The following DOK3 variants were observed in gnomAD, a reference collection of about 807,000 sequenced individuals.
DOK3 encodes Dok-like protein.
A neutral mutation model predicts 26.2 loss-of-function variants in DOK3; 23 were observed. The observed-to-expected ratio is 0.88, with a 90% confidence interval of 0.63 to 1.24. The LOEUF (loss-of-function observed/expected upper bound fraction) is 1.24, where lower values mean the gene tolerates loss of function less well. Ranked by LOEUF, DOK3 falls within the 50% of genes most tolerant of loss-of-function variation. DOK3 has a pLI of 0.00. For missense variants in DOK3, 619 were observed against 610.6 expected, an observed-to-expected ratio of 1.01 and a Z score of -0.15; for synonymous variants, 268 against 268.2, an observed-to-expected ratio of 1.00 and a Z score of 0.01.
At chr5:177,508,102 A>C in intron 3 of DOK3, 135 bp downstream of exon 3, 1 of 1,132,056 alleles carries the variant, frequency 8.8e-7, no homozygotes, top group Non-Finnish European at 1.2e-6. Flanking sequence ...GCCCTCTGAG[A>C]GTCATTATAG....
Position 177,504,594 on chromosome 5 carries a change from G to A in DOK3, c.712C>T (p.Pro238Ser). Residue 238 changes from proline to serine, a missense_variant, in exon 6 of 6, where the codon CCC (proline) becomes TCC (serine). Physicochemically the swap from Pro to Ser is moderately conservative, Grantham distance 74. Transcript: ENST00000510898. Reference protein sequence around the residue: ...SGEGLFAFSTPCAPDLCRAVA... With the variant: ...SGEGLFAFSTSCAPDLCRAVA... Reference sequence around the variant, plus strand: ...GCCCTGCACAGGTCAGGGGCACAGGGGGTGCTGAAGGCAAAGAGGCCCTCA... The same window carrying A: ...GCCCTGCACAGGTCAGGGGCACAGGAGGTGCTGAAGGCAAAGAGGCCCTCA... 1.2e-6 allele frequency: 2 copies of A among 1,609,146 alleles called. No homozygotes were observed. Among genetic ancestry groups the A allele is most frequent in the Non-Finnish European group, 1.7e-6 (2 of 1,178,690 alleles).
chr5:177,506,977 C>T (rs937534400), intron 3 of DOK3, among the ~76,000 whole-genome samples: 13 of 151,796 alleles, frequency 8.6e-5, no homozygotes, highest in Admixed American at 5.9e-4. Context: ...TGAGCCACCG[C>T]ACCCGGCCAC....
At chr5:177,507,497 C>T (rs747263917) in intron 3 of DOK3, among the ~76,000 whole-genome samples, 3 of 151,996 alleles carry the variant, frequency 2.0e-5, no homozygotes, top group Middle Eastern at 3.2e-3. Flanking sequence ...CTCTGTCTCC[C>T]GGGCTGGAGT....
In DOK3 at chr5:177,503,644, C is replaced by T; in HGVS notation, c.*339G>A. ...TGATTTCCATCCCGTCTGTCTGCTG[C>T]AGTGGGTTTGAGCCCACGGGTGGCA... On this transcript the variant is annotated 3_prime_UTR_variant, in exon 6 of 6. Coordinates refer to ENST00000510898, the MANE Select transcript of DOK3 (RefSeq NM_001308236.3). 1.5e-6 allele frequency: 2 copies of T among 1,320,106 alleles called. No homozygotes were observed. Among genetic ancestry groups the T allele is most frequent in the Non-Finnish European group, 2.0e-6 (2 of 1,006,254 alleles). The allele number at this position is 1,320,106 out of a possible 1,614,324, so 81.8% of individuals were successfully genotyped here. A position where few individuals can be genotyped will look rare whatever the true frequency, so the allele number is the denominator to read the frequency against.
In DOK3 at chr5:177,503,444, C is replaced by A; in HGVS notation, c.*539G>T. On this transcript the variant is annotated 3_prime_UTR_variant, in exon 6 of 6. Transcript: ENST00000510898. ...GAACAAGTGTTTTGGACGAGGGTGT[C>A]TCTGAAATCCCTTCCACCTGCACCC... The A allele has an allele frequency of 6.7e-7, 1 of 1,490,670 alleles. No individual in the cohort carries two copies. Among genetic ancestry groups the A allele is most frequent in the South Asian group, 1.3e-5 (1 of 74,526 alleles). The allele number at this position is 1,490,670 out of a possible 1,614,324, so 92.3% of individuals were successfully genotyped here.
At chr5:177,509,271 G>A in intron 2 of DOK3, 1 of 575,948 alleles carries the variant, frequency 1.7e-6, no homozygotes, top group African/African-American at 1.9e-5. Flanking sequence ...CCGGAGGCAG[G>A]GTCTGGCAGA....
Position 177,504,334 on chromosome 5 carries a change from G to C in DOK3, c.972C>G (p.Leu324=). The C allele has an allele frequency of 1.3e-6, 2 of 1,589,588 alleles. No homozygotes were observed. Among genetic ancestry groups the C allele is most frequent in the Non-Finnish European group, 1.7e-6 (2 of 1,165,246 alleles). ...GPEPNDLASG[L]YASVCKRASG... is the part of the protein sequence containing the mutation. The stretch of plus-strand genomic sequence containing the variant: ...TGGCACGCTTGCACACTGAAGCGTA[G>C]AGCCCGGACGCCAGATCGTTGGGCT... Residue 324 remains leucine (L), a synonymous_variant, in exon 6 of 6, where the codon CTC becomes CTG. Transcript: ENST00000510898.
Position 177,504,765 on chromosome 5 carries a change from A to G in DOK3, c.623T>C (p.Leu208Pro). The G allele has an allele frequency of 6.2e-7, 1 of 1,614,020 alleles. No individual in the cohort carries two copies. The highest frequency in any genetic ancestry group is 8.5e-7 in the Non-Finnish European group (1 of 1,179,928). The stretch of plus-strand genomic sequence containing the variant: ...CACCTTGTCGGAGCCGAACTTGCGC[A>G]GGAAGTGGTAGGGCCAGCTGTAGAG... ...QALYSWPYHF[L>P]RKFGSDKGVF... Residue 208 changes from leucine to proline, a missense_variant, in exon 5 of 6, where the codon CTG becomes CCG. Physicochemically the swap from Leu to Pro is moderately conservative, Grantham distance 98. Transcript: ENST00000510898.
upstream of DOK3, chr5:177,510,073 A>G (rs1760802235): frequency 1.5e-6 from 1 of 658,872 alleles, no homozygotes; most frequent in African/African-American, 1.8e-5. Flanking sequence ...ACTGAACATC[A>G]CCAGCCTTTG....
intron 3 of DOK3, 61 bp downstream of exon 3, chr5:177,508,176 G>GCC: frequency 7.0e-7 from 1 of 1,421,952 alleles, no homozygotes; most frequent in African/African-American, 1.4e-5. Flanking sequence ...TGTGAGCGTG[G>GCC]AGGTGGACAA....
In DOK3 at chr5:177,509,817, AC is replaced by A. The variant is rs1282514953; in HGVS notation, c.-178del. 7 of 1,611,326 alleles carry A rather than the reference AC, an allele frequency of 4.3e-6. No individual in the cohort carries two copies. In the African/African-American group the frequency reaches 9.4e-5, roughly 22 times the overall value. ...TCTCACGCACCTGGTTCAGCTGGGC[AC>A]GCGCGTCTGATCGCAGTCTGGCTCC... On this transcript the variant is annotated 5_prime_UTR_variant, in exon 1 of 6. Transcript: ENST00000510898.
At chr5:177,508,165 ATG>A in intron 3 of DOK3, 70 bp downstream of exon 3, 1 of 1,402,164 alleles carries the variant, frequency 7.1e-7, no homozygotes, top group Non-Finnish European at 9.3e-7. Context: ...GGGTGATGGG[ATG>A]TGAGCGTGGA....
chr5:177,506,754 T>G (rs1375716947), intron 3 of DOK3, among the ~76,000 whole-genome samples: 2 of 149,862 alleles, frequency 1.3e-5, no homozygotes, highest in African/African-American at 4.9e-5. Flanking sequence ...AATGGCATGA[T>G]CTCGGCTCAC....
rs1481716850 is a variant in DOK3, at chr5:177,504,880, C to T, written c.508G>A (p.Ala170Thr). 1.2e-6 allele frequency: 2 copies of T among 1,603,176 alleles called. No homozygotes were observed. Among genetic ancestry groups the T allele is most frequent in the South Asian group, 1.1e-5 (1 of 89,576 alleles). ...CCCTTCAGCTGGCAGCGGGTGGCGGCCTCAGTCCTCTGCACCACCACGGGA... is the reference window on the plus strand; with the variant it reads ...CCCTTCAGCTGGCAGCGGGTGGCGGTCTCAGTCCTCTGCACCACCACGGGA... ...EFPVVVQRTE[A>T]ATRCQLKGPA... Residue 170 changes from alanine to threonine, a missense_variant, in exon 5 of 6, where the codon GCC becomes ACC. Ala to Thr is a moderately conservative substitution (Grantham distance 58). Transcript: ENST00000510898.
intron 3 of DOK3, among the ~76,000 whole-genome samples, chr5:177,507,517 C>T (rs776817849): frequency 4.6e-5 from 7 of 151,922 alleles, no homozygotes; most frequent in Admixed American, 2.0e-4. Flanking sequence ...TGAAGTGGCA[C>T]GATTACAGCT....
rs377209570 is a variant in DOK3, at chr5:177,505,160, T to C, written c.373-50A>G. The stretch of plus-strand genomic sequence containing the variant: ...GTGAGAGCACCGCACTCCCATGCCC[T>C]GTCCCCTCCCCTCAGTATCCCAGAA... On this transcript the variant is annotated intron_variant, in intron 3 of 5. Coordinates refer to ENST00000510898, the MANE Select transcript of DOK3 (RefSeq NM_001308236.3). The C allele has an allele frequency of 5.1e-5, 75 of 1,483,878 alleles. No individual in the cohort carries two copies. In the African/African-American group the frequency reaches 9.0e-4, roughly 18 times the overall value. The allele number at this position is 1,483,878 out of a possible 1,614,324, so 91.9% of individuals were successfully genotyped here.
chr5:177,504,871 G>A lies in DOK3; in HGVS notation c.517C>T (p.Arg173Cys), dbSNP rs752693479. 87 of 1,606,818 alleles carry A rather than the reference G, an allele frequency of 5.4e-5. No homozygotes were observed. The highest frequency in any genetic ancestry group is 7.2e-5 in the Non-Finnish European group (85 of 1,176,018). ...VVVQRTEAAT[R>C]CQLKGPALLV... ...AGGGCCGGCCCCTTCAGCTGGCAGC[G>A]GGTGGCGGCCTCAGTCCTCTGCACC... The change falls in exon 5 of 6, where the codon CGC (arginine) becomes TGC (cysteine). Residue 173 changes from arginine to cysteine, a missense_variant. Coordinates refer to ENST00000510898, the MANE Select transcript of DOK3 (RefSeq NM_001308236.3).
intron 1 of DOK3, 37 bp downstream of exon 1, chr5:177,509,721 C>A (rs899544725): frequency 5.0e-6 from 8 of 1,610,828 alleles, no homozygotes; most frequent in Non-Finnish European, 6.8e-6. Context: ...TGTATTTCCT[C>A]CCTGGGGTTC....
In DOK3 at chr5:177,508,491, C is replaced by A. The variant is rs1375659637; in HGVS notation, c.118G>T (p.Val40Leu). 1.9e-6 allele frequency: 3 copies of A among 1,589,430 alleles called. No individual in the cohort carries two copies. The highest frequency in any genetic ancestry group is 1.8e-5 in the Admixed American group (1 of 57,056). ...ACCTCCCAGCTCTCCAGCCGTGCCA[C>A]GCCTGATGGGCCTCCTGCATACAGC... The part of the protein sequence containing the change: ...ALLYAGGPSG[V>L]ARLESWEVRD... Residue 40 changes from valine to leucine, a missense_variant, in exon 3 of 6, where the codon GTG becomes TTG. Physicochemically the swap from Val to Leu is conservative, Grantham distance 32 (BLOSUM62 1). Coordinates refer to ENST00000510898, the MANE Select transcript of DOK3 (RefSeq NM_001308236.3).
Sources: gnomAD v4.1 joint callset for allele counts (sites outside exome capture counted in the v4.1 genomes callset) on GRCh38, gnomAD v4.1.1 for gene constraint, MANE v1.5 for transcripts, NCBI Gene and HGNC (gene_info 2026-07-23, HGNC 2026-07-21) for gene names.